The following NLRP1 variants were observed in gnomAD, a reference collection of about 807,000 sequenced individuals.
The protein encoded by NLRP1 is NACHT, LRR and PYD domains-containing protein 1.
In NLRP1, 94 loss-of-function variants were observed where a neutral mutation model predicts 136.7. That is an observed-to-expected ratio of 0.69 (90% confidence interval 0.58 to 0.82). The LOEUF is 0.82. Ranked by LOEUF, NLRP1 falls within the 40% of genes least tolerant of loss-of-function variation. The pLI is 0.00. For missense variants in NLRP1, 1,575 were observed against 1,802.7 expected (o/e 0.87, Z 2.29); for synonymous variants, 690 against 725.1 (o/e 0.95, Z 0.78).
At chr17:5,569,101 G>A (rs956707741) in intron 3 of NLRP1, among the ~76,000 whole-genome samples, 2 of 152,064 alleles carry the variant, frequency 1.3e-5, no homozygotes, top group African/African-American at 4.8e-5. Flanking sequence ...CACCAGACCT[G>A]CCTTACAAGA....
chr17:5,566,204 T>C (rs1337468622), intron 3 of NLRP1, among the ~76,000 whole-genome samples: 1 of 152,112 alleles, frequency 6.6e-6, no homozygotes. Context: ...TCTTTTCATC[T>C]ACTAATAGTG....
chr17:5,573,330 G>A (rs961870127), intron 3 of NLRP1, among the ~76,000 whole-genome samples: 2 of 152,212 alleles, frequency 1.3e-5, no homozygotes, highest in African/African-American at 2.4e-5. Flanking sequence ...AGCTTGAACT[G>A]GGTGGAGCCC....
Position 5,533,907 on chromosome 17 carries a change from T to A in NLRP1, c.3042A>T (p.Arg1014Ser). 1 of 1,610,070 alleles carries A rather than the reference T, an allele frequency of 6.2e-7. No homozygotes were observed. The highest frequency in any genetic ancestry group is 8.5e-7 in the Non-Finnish European group (1 of 1,177,228). The stretch of plus-strand genomic sequence containing the variant: ...GCCCCTTCAAACTACCTGATCCGAG[T>A]CTCTGCCGCTTGAGTGAGGATGTGC... The part of the protein sequence containing the change: ...SNSTSSLKRQ[R>S]LGSERAASHV... The change falls in exon 9 of 17, where the codon AGA becomes AGT. Residue 1014 changes from arginine (R) to serine (S), a missense_variant. Arg to Ser is a moderately radical substitution (Grantham distance 110, BLOSUM62 -1). Transcript: ENST00000572272.
intron 5 of NLRP1, among the ~76,000 whole-genome samples, chr17:5,551,074 G>T (rs1032301720): frequency 2.6e-5 from 4 of 152,068 alleles, no homozygotes; most frequent in African/African-American, 7.2e-5. Context: ...TACATTAGGG[G>T]TCACTCTTGG....
At chr17:5,545,439 C>T (rs1001779351) in intron 5 of NLRP1, among the ~76,000 whole-genome samples, 2 of 150,976 alleles carry the variant, frequency 1.3e-5, no homozygotes, top group Admixed American at 1.3e-4. Flanking sequence ...CAGAGACACA[C>T]ACTTTGACAC....
At chr17:5,573,653 T>A (rs575430554) in intron 3 of NLRP1, among the ~76,000 whole-genome samples, 4 of 152,328 alleles carry the variant, frequency 2.6e-5, no homozygotes, top group African/African-American at 9.6e-5. Context: ...ACATTTGCTG[T>A]TTAGCAATAT....
intron 3 of NLRP1, among the ~76,000 whole-genome samples, chr17:5,569,253 G>A (rs1423345279): frequency 6.6e-6 from 1 of 152,092 alleles, no homozygotes; most frequent in Non-Finnish European, 1.5e-5. Flanking sequence ...CATGATGACA[G>A]GATTAAACTC....
chr17:5,524,359 A>G (rs1909272036), intron 12 of NLRP1, among the ~76,000 whole-genome samples: 1 of 152,230 alleles, frequency 6.6e-6, no homozygotes, highest in African/African-American at 2.4e-5. Flanking sequence ...GATCCCTGCT[A>G]GTGGATGCAC....
intron 5 of NLRP1, among the ~76,000 whole-genome samples, chr17:5,542,332 C>T (rs1017369137): frequency 3.3e-5 from 5 of 152,108 alleles, no homozygotes; most frequent in African/African-American, 1.2e-4. Context: ...TCATCTCTGT[C>T]CTCATCTCTA....
At position 5,583,976 on chromosome 17, in the gene NLRP1, AG is replaced by A. The variant is rs1406142397; in HGVS notation, c.-20del. ...CAGCCATCTCTGTCCCGGAGTTAAG[AG>A]GGTGTCTGGGGGATGTTCCCAGGTG... On this transcript the variant is annotated 5_prime_UTR_variant, in exon 1 of 17. Coordinates refer to ENST00000572272, the MANE Select transcript of NLRP1 (RefSeq NM_033004.4). This position sits in a 1 kb window ranked among gnomAD's most constrained non-coding sequence, Gnocchi z 4.5. 2 of 1,603,338 alleles carry A rather than the reference AG, an allele frequency of 1.2e-6. No individual in the cohort carries two copies. The highest frequency in any genetic ancestry group is 1.7e-5 in the Admixed American group (1 of 59,004).
At chr17:5,571,737 G>A (rs774516796) in intron 3 of NLRP1, among the ~76,000 whole-genome samples, 5 of 152,066 alleles carry the variant, frequency 3.3e-5, no homozygotes, top group Non-Finnish European at 5.9e-5. Context: ...TTCACATAAT[G>A]AGAAAGAAAT....
chr17:5,516,052 G>A (rs542697298), intron 15 of NLRP1, among the ~76,000 whole-genome samples: 9 of 144,400 alleles, frequency 6.2e-5, no homozygotes, highest in African/African-American at 2.3e-4. Context: ...AACAGACAAC[G>A]ACAAAAATGA....
rs372507161 is a variant in NLRP1 at position 5,537,432 on chromosome 17, G to A, written c.2871-492C>T. Among the ~76,000 whole-genome samples the A allele has an allele frequency of 3.9e-5, 6 of 152,138 alleles. No homozygotes were observed. Among genetic ancestry groups the A allele is most frequent in the African/African-American group, 1.2e-4 (5 of 41,422 alleles). ...TCCTGGGATTTTCTTCCCAGTGGTC[G>A]GAAGTTTTGCTGGGAAGAGAGAGTC... On this transcript the variant is annotated intron_variant, in intron 7 of 16. Coordinates refer to ENST00000572272, the MANE Select transcript of NLRP1 (RefSeq NM_033004.4). The surrounding 1 kb of genome is among the most constrained non-coding windows in gnomAD (Gnocchi z 4.5).
At chr17:5,574,779 A>T (rs1480210854) in intron 3 of NLRP1, among the ~76,000 whole-genome samples, 1 of 148,536 alleles carries the variant, frequency 6.7e-6, no homozygotes, top group Admixed American at 6.9e-5. Flanking sequence ...CTCCTGCCTT[A>T]GCCTCCTGAG....
intron 13 of NLRP1, 71 bp downstream of exon 13, chr17:5,521,453 G>C: frequency 6.6e-7 from 1 of 1,522,982 alleles, no homozygotes. Flanking sequence ...ACCCTCTAGG[G>C]GGCTCTCTGG....
chr17:5,570,335 G>A (rs1279097411), intron 3 of NLRP1, among the ~76,000 whole-genome samples: 3 of 150,708 alleles, frequency 2.0e-5, no homozygotes, highest in Admixed American at 6.6e-5. Context: ...TTCTTTGGAA[G>A]AATAAATAAG....
At position 5,539,575 on chromosome 17, in the gene NLRP1, A is replaced by G; in HGVS notation, c.2710T>C (p.Cys904Arg). 1 of 1,609,904 alleles carries G rather than the reference A, an allele frequency of 6.2e-7. No individual in the cohort carries two copies. The highest frequency in any genetic ancestry group is 8.5e-7 in the Non-Finnish European group (1 of 1,178,438). The change falls in exon 7 of 17, where the codon TGT becomes CGT. Residue 904 changes from cysteine (C) to arginine (R), a missense_variant. Transcript: ENST00000572272. ...CKLQRLQLVS[C>R]GLTSDCCQDL... ...TGGCAGCAGTCAGACGTGAGGCCAC[A>G]GCTGACCAGCCTGCAGGAAAGATAC...
intron 15 of NLRP1, 91 bp downstream of exon 15, chr17:5,517,655 G>C: frequency 6.8e-7 from 1 of 1,465,220 alleles, no homozygotes; most frequent in Non-Finnish European, 9.4e-7. Context: ...CAAAGTTCTG[G>C]GATTACAGGC....
intron 5 of NLRP1, 134 bp downstream of exon 5, chr17:5,553,252 A>T: frequency 1.3e-6 from 1 of 770,188 alleles, no homozygotes; most frequent in Non-Finnish European, 1.9e-6. Flanking sequence ...TTTGTTTACT[A>T]AAGTCATCCC....
Sources: allele counts gnomAD v4.1 joint callset (sites outside exome capture counted in the v4.1 genomes callset), GRCh38; gene constraint gnomAD v4.1.1; non-coding constraint Gnocchi (gnomAD v3.1); transcripts MANE v1.5; gene names NCBI Gene and HGNC (gene_info 2026-07-23, HGNC 2026-07-21).